PIK3C2G: variants seen among roughly 807,000 people sequenced by gnomAD.
PIK3C2G encodes the protein phosphatidylinositol 3-kinase C2 domain-containing subunit gamma.
In PIK3C2G, 168 loss-of-function variants were observed where a neutral mutation model predicts 181.1. The ratio of observed to expected loss-of-function variants is 0.93; its 90% CI spans 0.82 to 1.05. The LOEUF (loss-of-function observed/expected upper bound fraction) is 1.05. Among genes scored for constraint, PIK3C2G ranks in the 50% least tolerant of loss-of-function variants. The pLI is 0.00. For missense variants in PIK3C2G, 1,869 were observed against 1,732.8 expected, an observed-to-expected ratio of 1.08 and a Z score of -1.40; for synonymous variants, 573 against 592.2, an observed-to-expected ratio of 0.97 and a Z score of 0.47.
At chr12:18,330,318 T>G (rs936693904) in intron 8 of PIK3C2G, among the ~76,000 whole-genome samples, 2 of 152,078 alleles carry the variant, frequency 1.3e-5, no homozygotes, top group Admixed American at 1.3e-4. Flanking sequence ...TTACAGTAAA[T>G]CTCTCTCATC....
Position 18,562,796 on chromosome 12 carries a change from T to C in PIK3C2G, c.3684T>C (p.Ser1228=). The C allele has an allele frequency of 6.2e-7, 1 of 1,608,310 alleles. No homozygotes were observed. Among genetic ancestry groups the C allele is most frequent in the South Asian group, 1.1e-5 (1 of 89,760 alleles). ...AQMSAISPAK[S]TSQTFPQESC... is the part of the protein sequence containing the mutation. The stretch of plus-strand genomic sequence containing the variant: ...TGTCAGCCATAAGCCCTGCCAAATC[T>C]ACTTCACAGACTTTTCCTCAGGAAT... Residue 1228 remains serine, a synonymous_variant, in exon 27 of 33, where the codon TCT becomes TCC. Coordinates refer to ENST00000538779, the MANE Select transcript of PIK3C2G (RefSeq NM_001288772.2).
chr12:18,696,632 G>C, the PIK3C2G span, among the ~76,000 whole-genome samples: 2 of 151,738 alleles, frequency 1.3e-5, no homozygotes, highest in African/African-American at 4.8e-5. Flanking sequence ...CAAAACAAAA[G>C]CAGCATTTTC....
At chr12:18,378,685 C>T (rs529668839) in intron 13 of PIK3C2G, among the ~76,000 whole-genome samples, 72 of 152,250 alleles carry the variant, frequency 4.7e-4, no homozygotes, top group African/African-American at 1.7e-3. Flanking sequence ...CAAACAACCC[C>T]ATCAAAAAGT....
Position 18,376,402 on chromosome 12 carries a change from A to AC in PIK3C2G, c.1880+5094dup, listed in dbSNP as rs1942440692. Among the ~76,000 whole-genome samples, 6 of 152,164 alleles carry AC rather than the reference A, an allele frequency of 3.9e-5. No homozygotes were observed. The South Asian group carries it at 1.2e-3, about 32-fold the overall frequency. ...TCTCCCTTTTGGAATAAGAATGTTT[A>AC]CCCAATTTCTGTACCCTCATTTTAT... On this transcript the variant is annotated intron_variant, in intron 13 of 32. Transcript: ENST00000538779.
chr12:18,364,659 A>G (rs1941510104), intron 12 of PIK3C2G, among the ~76,000 whole-genome samples: 1 of 152,142 alleles, frequency 6.6e-6, no homozygotes, highest in African/African-American at 2.4e-5. Flanking sequence ...ACACTTCAGG[A>G]GGCTAAGGCA....
intron 16 of PIK3C2G, among the ~76,000 whole-genome samples, chr12:18,410,466 C>T (rs903598988): frequency 1.4e-5 from 2 of 146,944 alleles, no homozygotes; most frequent in Non-Finnish European, 3.0e-5. Context: ...GATTGCGCTA[C>T]TGCACTCCAG....
At chr12:18,243,150 T>C (rs1469750997), upstream of PIK3C2G, among the ~76,000 whole-genome samples, 1 of 151,994 alleles carries the variant, frequency 6.6e-6, no homozygotes, top group East Asian at 1.9e-4. Context: ...CCTGAATAAT[T>C]ATAAAATTAT....
At chr12:18,285,136 G>T (rs1404763137) in intron 2 of PIK3C2G, among the ~76,000 whole-genome samples, 1 of 152,012 alleles carries the variant, frequency 6.6e-6, no homozygotes, top group Non-Finnish European at 1.5e-5. Flanking sequence ...TGTAAGAAAA[G>T]ATTTCACACA....
intron 26 of PIK3C2G, among the ~76,000 whole-genome samples, chr12:18,551,977 C>T (rs1275162468): frequency 1.3e-5 from 2 of 152,026 alleles, no homozygotes; most frequent in East Asian, 1.9e-4. Context: ...GTTGCCCAGC[C>T]GTATTCTTAT....
chr12:18,451,133 G>T (rs1050497905), intron 18 of PIK3C2G, among the ~76,000 whole-genome samples: 3 of 152,150 alleles, frequency 2.0e-5, no homozygotes, highest in Admixed American at 2.0e-4. Flanking sequence ...GTAGCTTGAT[G>T]GGAATAACAT....
intron 32 of PIK3C2G, among the ~76,000 whole-genome samples, chr12:18,644,122 C>T (rs189631770): frequency 1.3e-3 from 204 of 152,214 alleles, no homozygotes; most frequent in African/African-American, 4.7e-3. Flanking sequence ...GGCTTTGATG[C>T]AGGGCCAAGC....
chr12:18,394,250 C>A (rs907629890), intron 15 of PIK3C2G, among the ~76,000 whole-genome samples: 7 of 152,030 alleles, frequency 4.6e-5, no homozygotes, highest in African/African-American at 1.7e-4. Flanking sequence ...ATCATAAAAA[C>A]CAGTCTCAAA....
intron 20 of PIK3C2G, 147 bp downstream of exon 20, chr12:18,491,705 T>C (rs911758615): frequency 5.5e-6 from 3 of 550,160 alleles, no homozygotes; most frequent in African/African-American, 3.8e-5. Flanking sequence ...TTACATTGTG[T>C]TTTCCCTTTG....
chr12:18,488,556 A>G lies in PIK3C2G; in HGVS notation c.2612A>G (p.Lys871Arg), dbSNP rs1226636461. The stretch of plus-strand genomic sequence containing the variant: ...AAAGCCTTGAATGATGAGTTTTCCA[A>G]GGAGCAGAAACTTATCAAAATTCTG... ...AGKALNDEFS[K>R]EQKLIKILGD... Residue 871 changes from lysine to arginine, a missense_variant, in exon 19 of 33, where the codon AAG (lysine) becomes AGG (arginine). Lys to Arg is a conservative substitution (Grantham distance 26). Transcript: ENST00000538779. The G allele has an allele frequency of 2.5e-6, 4 of 1,590,712 alleles. No individual in the cohort carries two copies. In the Admixed American group the frequency reaches 7.0e-5, roughly 28 times the overall value.
At chr12:18,655,352 T>G in the PIK3C2G span, among the ~76,000 whole-genome samples, 1 of 152,208 alleles carries the variant, frequency 6.6e-6, no homozygotes, top group South Asian at 2.1e-4. Flanking sequence ...GTAAGTAACA[T>G]TAAATTATAG....
At chr12:18,294,285 T>C (rs1949842477) in intron 5 of PIK3C2G, among the ~76,000 whole-genome samples, 1 of 152,026 alleles carries the variant, frequency 6.6e-6, no homozygotes, top group African/African-American at 2.4e-5. Context: ...GAGGTAGCCC[T>C]CAGGATGTAG....
At chr12:18,428,856 G>A (rs560639428) in intron 18 of PIK3C2G, among the ~76,000 whole-genome samples, 1 of 152,206 alleles carries the variant, frequency 6.6e-6, no homozygotes, top group Non-Finnish European at 1.5e-5. Context: ...ATAACATTTG[G>A]AGCTTATGCC....
chr12:18,374,445 C>G (rs1942293045), intron 13 of PIK3C2G, among the ~76,000 whole-genome samples: 1 of 151,918 alleles, frequency 6.6e-6, no homozygotes, highest in Non-Finnish European at 1.5e-5. Context: ...TCCAAAAGAC[C>G]CTCAGTTAGT....
chr12:18,477,754 T>C (rs1171998560), intron 18 of PIK3C2G, among the ~76,000 whole-genome samples: 1 of 152,180 alleles, frequency 6.6e-6, no homozygotes, highest in African/African-American at 2.4e-5. Flanking sequence ...TCTCACTGTT[T>C]GTGACTCTGA....
Sources: allele counts gnomAD v4.1 joint callset (sites outside exome capture counted in the v4.1 genomes callset), GRCh38; gene constraint gnomAD v4.1.1; transcripts MANE v1.5; gene names NCBI Gene and HGNC (gene_info 2026-07-23, HGNC 2026-07-21).